The following KMT2C variants were observed in gnomAD, a reference collection of about 807,000 sequenced individuals.
The protein encoded by KMT2C is histone-lysine N-methyltransferase 2C.
A neutral mutation model predicts 507.9 loss-of-function variants in KMT2C; 88 were observed. The ratio of observed to expected loss-of-function variants is 0.17; its 90% confidence interval spans 0.15 to 0.21. The LOEUF (loss-of-function observed/expected upper bound fraction) is 0.21, where lower values mean the gene tolerates loss of function less well. Ranked by LOEUF, KMT2C falls within the 10% of genes least tolerant of loss-of-function variation. KMT2C has a pLI of 1.00. For synonymous variants in KMT2C, 2,049 were observed against 2,080.8 expected, an observed-to-expected ratio of 0.98 and a Z score of 0.42; for missense variants, 4,954 against 5,957.8, an observed-to-expected ratio of 0.83 and a Z score of 5.55.
intron 23 of KMT2C, among the ~76,000 whole-genome samples, chr7:152,218,230 T>A (rs1020142698): frequency 9.9e-5 from 15 of 152,158 alleles, no homozygotes; most frequent in Non-Finnish European, 2.1e-4. Flanking sequence ...AGTGGCTCGA[T>A]CTTGGCTCAC....
chr7:152,178,107 T>C, intron 37 of KMT2C, 97 bp from the exon 38 acceptor site: 3 of 1,230,856 alleles, frequency 2.4e-6, no homozygotes, highest in Non-Finnish European at 3.1e-6. Context: ...AATTAAACTG[T>C]ACATACAAAA....
At chr7:152,206,908 A>C (rs2094323791) in intron 24 of KMT2C, among the ~76,000 whole-genome samples, 1 of 151,420 alleles carries the variant, frequency 6.6e-6, no homozygotes, top group Non-Finnish European at 1.5e-5. Flanking sequence ...ATAAACACTG[A>C]AATAAGTTTT....
chr7:152,196,740 G>A (rs1324658182), intron 27 of KMT2C, among the ~76,000 whole-genome samples: 2 of 152,134 alleles, frequency 1.3e-5, no homozygotes, highest in African/African-American at 4.8e-5. Flanking sequence ...AGACAGAGTG[G>A]TCTATGAAGA....
In KMT2C at chr7:152,177,484, A is replaced by G; in HGVS notation, c.7969T>C (p.Phe2657Leu). ...GATGTTGACAAAGGAGCTTCTGAAA[A>G]TTCACCACCTAGTGGATGGTTCAGA... is the stretch of plus-strand genomic sequence containing the variant. ...RTLNHPLGGE[F>L]SEAPLSTSVP... is the part of the protein sequence containing the mutation. The change falls in exon 38 of 59, where the codon TTT becomes CTT. Residue 2657 changes from phenylalanine (F) to leucine (L), a missense_variant. Physicochemically the swap from Phe to Leu is conservative, Grantham distance 22 (BLOSUM62 0). Around this residue, in one of 29 missense-constraint regions of KMT2C, gnomAD observed 1,689 missense variants for 1,654.3 expected, o/e 1.02. Transcript: ENST00000262189. The G allele has an allele frequency of 6.2e-7, 1 of 1,614,196 alleles. No individual in the cohort carries two copies. Among genetic ancestry groups the G allele is most frequent in the Non-Finnish European group, 8.5e-7 (1 of 1,180,038 alleles).
At chr7:152,185,910 C>T (rs2093612311) in intron 33 of KMT2C, among the ~76,000 whole-genome samples, 1 of 152,128 alleles carries the variant, frequency 6.6e-6, no homozygotes, top group Admixed American at 6.5e-5. Flanking sequence ...GCAAGCCAGA[C>T]ATAATAAATT....
At chr7:152,256,708 G>T (rs957742381) in intron 9 of KMT2C, among the ~76,000 whole-genome samples, 5 of 152,082 alleles carry the variant, frequency 3.3e-5, no homozygotes, top group African/African-American at 1.2e-4. Flanking sequence ...CAAAACACAT[G>T]AACAGACAAT....
At chr7:152,433,612 A>C (rs1484094935) in intron 1 of KMT2C, among the ~76,000 whole-genome samples, 2 of 152,264 alleles carry the variant, frequency 1.3e-5, no homozygotes, top group Non-Finnish European at 2.9e-5. Flanking sequence ...ATCTAAAAGA[A>C]AAAGCTCTCT....
intron 6 of KMT2C, among the ~76,000 whole-genome samples, chr7:152,280,200 G>C (rs2096179032): frequency 2.6e-5 from 4 of 152,146 alleles, no homozygotes; most frequent in African/African-American, 2.4e-5. Context: ...AAAAACCAAA[G>C]AGTGGCCTCT....
At chr7:152,198,576 C>T (rs1225330098) in intron 27 of KMT2C, among the ~76,000 whole-genome samples, 11 of 152,176 alleles carry the variant, frequency 7.2e-5, no homozygotes, top group Non-Finnish European at 5.9e-5. Flanking sequence ...ATGAGTTAAA[C>T]TCCTAGAGCC....
intron 42 of KMT2C, among the ~76,000 whole-genome samples, chr7:152,164,976 A>T (rs531857914): frequency 6.6e-6 from 1 of 152,222 alleles, no homozygotes; most frequent in South Asian, 2.1e-4. Flanking sequence ...AATATACTAA[A>T]CTCAGGAGTT....
At chr7:152,322,777 G>GA (rs1021009591) in intron 3 of KMT2C, among the ~76,000 whole-genome samples, 1 of 151,882 alleles carries the variant, frequency 6.6e-6, no homozygotes. Flanking sequence ...CAGAATGGGA[G>GA]AAAATATTTA....
In KMT2C at chr7:152,252,681, G is replaced by C. The variant is rs2095580287; in HGVS notation, c.1334C>G (p.Ser445Cys). ...CRICIECGTR[S>C]SSQWHHNCLI... is the part of the protein sequence containing the mutation. Reference sequence around the variant, plus strand: ...GCAATTGTGGTGCCACTGAGAACTAGACCGTGTGCCACACTCTATACATAT... The same window carrying C: ...GCAATTGTGGTGCCACTGAGAACTACACCGTGTGCCACACTCTATACATAT... The change falls in exon 10 of 59, where the codon TCT (serine) becomes TGT (cysteine). Residue 445 changes from serine (S) to cysteine (C), a missense_variant. By Grantham distance (112) the Ser-to-Cys change is moderately radical. Around this residue, in one of 29 missense-constraint regions of KMT2C, gnomAD observed 376 missense variants for 352.4 expected, o/e 1.07. Transcript: ENST00000262189. 1 of 1,613,360 alleles carries C rather than the reference G, an allele frequency of 6.2e-7. No individual in the cohort carries two copies. The highest frequency in any genetic ancestry group is 8.5e-7 in the Non-Finnish European group (1 of 1,179,588).
rs534343588 is a variant in KMT2C, at chr7:152,153,039, T to C, written c.12277-85A>G. On this transcript the variant is annotated intron_variant, in intron 48 of 58. Transcript: ENST00000262189. ...AAAAATACACACTTAGGATAAATCC[T>C]CTTTGCATGATACATAGATTCTAAG... 6.7e-6 allele frequency: 10 copies of C among 1,488,702 alleles called. No homozygotes were observed. In the African/African-American group the frequency reaches 1.1e-4, roughly 17 times the overall value. 92.2% of individuals were successfully genotyped at this position (1,488,702 alleles called of 1,614,324 possible). A position where few individuals can be genotyped will look rare whatever the true frequency, so the allele number is the denominator to read the frequency against.
At chr7:152,387,428 CA>C (rs1205920952) in intron 1 of KMT2C, among the ~76,000 whole-genome samples, 89 of 115,956 alleles carry the variant, frequency 7.7e-4, no homozygotes, top group Non-Finnish European at 8.4e-4. Context: ...ACTAGTATGC[CA>C]AAAAAAAAAG....
intron 1 of KMT2C, among the ~76,000 whole-genome samples, chr7:152,434,584 A>G (rs749768902): frequency 1.9e-4 from 29 of 152,198 alleles, no homozygotes; most frequent in Non-Finnish European, 3.5e-4. Flanking sequence ...TTCAATGAGA[A>G]TATCATCTCA....
chr7:152,239,661 T>A (rs2095348779), intron 14 of KMT2C, among the ~76,000 whole-genome samples: 1 of 150,494 alleles, frequency 6.6e-6, no homozygotes, highest in African/African-American at 2.4e-5. Context: ...ACTAATCTGA[T>A]GAAGATGCTA....
At position 152,176,031 on chromosome 7, in the gene KMT2C, A is replaced by G. The variant is rs28588581; in HGVS notation, c.9262+160T>C. Among the ~76,000 whole-genome samples the G allele has an allele frequency of 7.8e-3, 1,182 of 152,292 alleles. 20 individuals carry two copies. Among genetic ancestry groups the G allele is most frequent in the African/African-American group, 0.027 (1,141 of 41,576 alleles). On this transcript the variant is annotated intron_variant, in intron 38 of 58. Transcript: ENST00000262189. ...GCACTCCATCTTGGGTGACACAGTG[A>G]GACTCCGTCTCAAAACAAAACAAAC... is the stretch of plus-strand genomic sequence containing the variant.
At chr7:152,354,827 C>T (rs1336054375) in intron 2 of KMT2C, among the ~76,000 whole-genome samples, 2 of 152,062 alleles carry the variant, frequency 1.3e-5, no homozygotes, top group Non-Finnish European at 2.9e-5. Flanking sequence ...ATCAATGGAG[C>T]CTGAAAACAA....
rs566086539 is a variant in KMT2C at position 152,236,759 on chromosome 7, A to G, written c.2653-826T>C. Among the ~76,000 whole-genome samples, 4 of 152,266 alleles carry G rather than the reference A, an allele frequency of 2.6e-5. No homozygotes were observed. In the South Asian group the frequency reaches 8.3e-4, roughly 32 times the overall value. ...CAGGTTGGAGTGCAGTGGTGTGATCATAGCTCACTGCAGCCTAGAACTCTT... is the reference window on the plus strand; with the variant it reads ...CAGGTTGGAGTGCAGTGGTGTGATCGTAGCTCACTGCAGCCTAGAACTCTT... On this transcript the variant is annotated intron_variant, in intron 15 of 58. Coordinates refer to ENST00000262189, the MANE Select transcript of KMT2C (RefSeq NM_170606.3).
Sources: allele counts gnomAD v4.1 joint callset (sites outside exome capture counted in the v4.1 genomes callset), GRCh38; gene constraint gnomAD v4.1.1; regional missense constraint gnomAD v4.1.1; transcripts MANE v1.5; gene names NCBI Gene and HGNC (gene_info 2026-07-23, HGNC 2026-07-21).